XRCC4: variants seen among roughly 807,000 people sequenced by gnomAD.
The protein encoded by XRCC4 is DNA repair protein XRCC4.
Under a neutral mutation model 39.1 loss-of-function variants are expected in XRCC4, and 28 were observed. The ratio of observed to expected loss-of-function variants is 0.72; its 90% confidence interval spans 0.53 to 0.98. XRCC4 has a LOEUF of 0.98. Ranked by LOEUF, XRCC4 falls within the 50% of genes least tolerant of loss-of-function variation. XRCC4 has a pLI of 0.00. For missense variants in XRCC4, 350 were observed against 376.4 expected, an observed-to-expected ratio of 0.93 and a Z score of 0.58; for synonymous variants, 123 against 126.4, an observed-to-expected ratio of 0.97 and a Z score of 0.18.
At chr5:83,365,237 G>A in the XRCC4 span, among the ~76,000 whole-genome samples, 2 of 152,278 alleles carry the variant, frequency 1.3e-5, no homozygotes, top group Non-Finnish European at 2.9e-5. Flanking sequence ...CGCTATAACT[G>A]ATGGACATCC....
intron 6 of XRCC4, among the ~76,000 whole-genome samples, chr5:83,243,931 C>A (rs998427422): frequency 1.3e-5 from 2 of 152,138 alleles, no homozygotes; most frequent in Non-Finnish European, 2.9e-5. Flanking sequence ...ATCCCTGCTG[C>A]ATGCCTGTCC....
chr5:83,220,610 C>T (rs983554552), intron 6 of XRCC4, among the ~76,000 whole-genome samples: 1 of 152,072 alleles, frequency 6.6e-6, no homozygotes, highest in African/African-American at 2.4e-5. Context: ...TGTGGTGAAA[C>T]AGAACAGTTA....
At chr5:83,215,243 A>G (rs185573350) in intron 6 of XRCC4, among the ~76,000 whole-genome samples, 61 of 152,048 alleles carry the variant, frequency 4.0e-4, no homozygotes, top group African/African-American at 1.2e-3. Flanking sequence ...GGAGGCTGAG[A>G]CAGGAGGATT....
chr5:83,145,280 T>C (rs963589814), intron 3 of XRCC4, among the ~76,000 whole-genome samples: 1 of 152,248 alleles, frequency 6.6e-6, no homozygotes, highest in Non-Finnish European at 1.5e-5. Flanking sequence ...GATAAACTTA[T>C]GTCAGTTTCC....
chr5:83,116,492 C>A (rs1447198687), intron 3 of XRCC4, among the ~76,000 whole-genome samples: 1 of 151,312 alleles, frequency 6.6e-6, no homozygotes, highest in Admixed American at 6.6e-5. Flanking sequence ...TTATAACAAA[C>A]TTTCTTTTTT....
the XRCC4 span, among the ~76,000 whole-genome samples, chr5:83,368,003 G>A: frequency 6.6e-6 from 1 of 151,532 alleles, no homozygotes; most frequent in Admixed American, 6.6e-5. Flanking sequence ...CACAGCTGAT[G>A]CAAGTGCTTC....
At chr5:83,176,671 G>A (rs1037765084) in intron 3 of XRCC4, among the ~76,000 whole-genome samples, 12 of 149,090 alleles carry the variant, frequency 8.0e-5, no homozygotes, top group African/African-American at 3.0e-4. Flanking sequence ...CACCCAGGCT[G>A]GAGTGCAGTG....
At chr5:83,351,898 T>G (rs1421258075) in intron 7 of XRCC4, among the ~76,000 whole-genome samples, 3 of 152,184 alleles carry the variant, frequency 2.0e-5, no homozygotes, top group Non-Finnish European at 4.4e-5. Flanking sequence ...CACTTGATAT[T>G]TGGGGGTTTT....
intron 7 of XRCC4, among the ~76,000 whole-genome samples, chr5:83,324,176 G>A (rs1261718038): frequency 6.6e-6 from 1 of 152,066 alleles, no homozygotes; most frequent in African/African-American, 2.4e-5. Flanking sequence ...AGCCTTGCCT[G>A]TTCCTATTAA....
intron 6 of XRCC4, among the ~76,000 whole-genome samples, chr5:83,211,397 A>G (rs897930891): frequency 4.6e-5 from 7 of 152,200 alleles, no homozygotes; most frequent in African/African-American, 1.7e-4. Context: ...TCTTGGTGTC[A>G]GTGGGTAGGT....
At chr5:83,231,770 CATTGCGTTATA>C (rs1752504328) in intron 6 of XRCC4, among the ~76,000 whole-genome samples, 1 of 152,044 alleles carries the variant, frequency 6.6e-6, no homozygotes, top group Non-Finnish European at 1.5e-5. Context: ...CTTATTTAAA[CATTGCGTTATA>C]TCCAAATTAG....
intron 3 of XRCC4, among the ~76,000 whole-genome samples, chr5:83,159,319 G>A (rs1319152348): frequency 6.6e-6 from 1 of 152,098 alleles, no homozygotes; most frequent in Non-Finnish European, 1.5e-5. Flanking sequence ...TAGTCATTGA[G>A]ATGGGGTTGA....
chr5:83,145,540 GTTAC>G (rs1748410809), intron 3 of XRCC4, among the ~76,000 whole-genome samples: 1 of 152,196 alleles, frequency 6.6e-6, no homozygotes, highest in Non-Finnish European at 1.5e-5. Context: ...CCTTAGCACT[GTTAC>G]TTGGAGTCTG....
At chr5:83,099,588 A>G (rs1477901140) in intron 1 of XRCC4, among the ~76,000 whole-genome samples, 2 of 152,224 alleles carry the variant, frequency 1.3e-5, no homozygotes, top group African/African-American at 2.4e-5. Context: ...GAGGCCAAGT[A>G]TCAAAGACAC....
chr5:83,217,570 T>G (rs1751913054), intron 6 of XRCC4, among the ~76,000 whole-genome samples: 1 of 152,104 alleles, frequency 6.6e-6, no homozygotes, highest in Admixed American at 6.5e-5. Flanking sequence ...CCCTAATATT[T>G]TCATAAATCA....
intron 6 of XRCC4, among the ~76,000 whole-genome samples, chr5:83,220,117 G>A (rs978387572): frequency 6.6e-6 from 1 of 152,054 alleles, no homozygotes; most frequent in Non-Finnish European, 1.5e-5. Flanking sequence ...ACCTAAGAAA[G>A]GCAAAAGGTA....
chr5:83,090,365 G>A (rs1023035021), intron 1 of XRCC4, among the ~76,000 whole-genome samples: 2 of 151,958 alleles, frequency 1.3e-5, no homozygotes, highest in African/African-American at 4.8e-5. Flanking sequence ...CCCTGCACAA[G>A]CTCTGTCTCA....
intron 7 of XRCC4, among the ~76,000 whole-genome samples, chr5:83,298,399 G>A (rs1392403237): frequency 6.6e-6 from 1 of 151,736 alleles, no homozygotes; most frequent in Non-Finnish European, 1.5e-5. Flanking sequence ...CTTTATAGTT[G>A]TCAATCTAAG....
At position 83,316,350 on chromosome 5, in the gene XRCC4, C is replaced by A. The variant is rs1024497479; in HGVS notation, c.894-36781C>A. Among the ~76,000 whole-genome samples, 4 of 152,156 alleles carry A rather than the reference C, an allele frequency of 2.6e-5. No homozygotes were observed. In the East Asian group the frequency reaches 7.7e-4, roughly 29 times the overall value. ...ATGACAGGTTCAAATTCACACATAACAATATTAACTTTAAATATAAATGGA... is the reference window on the plus strand; with the variant it reads ...ATGACAGGTTCAAATTCACACATAAAAATATTAACTTTAAATATAAATGGA... On this transcript the variant is annotated intron_variant, in intron 7 of 7. Transcript: ENST00000396027.
Sources: allele counts gnomAD v4.1 joint callset (sites outside exome capture counted in the v4.1 genomes callset), GRCh38; gene constraint gnomAD v4.1.1; transcripts MANE v1.5; gene names NCBI Gene and HGNC (gene_info 2026-07-23, HGNC 2026-07-21).